The following CLVS1 variants were observed in gnomAD, a reference collection of about 807,000 sequenced individuals.
CLVS1 encodes clavesin 1, also known as clavesin-1.
Under a neutral mutation model 33.1 loss-of-function variants are expected in CLVS1, and 10 were observed. The ratio of observed to expected loss-of-function variants is 0.30; its 90% CI spans 0.19 to 0.51. CLVS1 has a LOEUF of 0.51. Among genes scored for constraint, CLVS1 ranks in the 20% least tolerant of loss-of-function variants. CLVS1 has a pLI of 0.97. For synonymous variants in CLVS1, 163 were observed against 166.1 expected (o/e 0.98, Z 0.14); for missense variants, 343 against 433.4 (o/e 0.79, Z 1.85).
chr8:61,185,660 T>C (rs1401433243), intron 2 of CLVS1, among the ~76,000 whole-genome samples: 1 of 152,146 alleles, frequency 6.6e-6, no homozygotes, highest in Non-Finnish European at 1.5e-5. Context: ...GAACAAAGCA[T>C]ATGTATATAT....
At chr8:61,139,102 G>A (rs981575548) in intron 2 of CLVS1, among the ~76,000 whole-genome samples, 2 of 152,236 alleles carry the variant, frequency 1.3e-5, no homozygotes, top group Non-Finnish European at 2.9e-5. Context: ...TTGCTGCTAC[G>A]CCGCCCTTGA....
At chr8:61,311,253 G>C (rs1241255313) in intron 2 of CLVS1, among the ~76,000 whole-genome samples, 1 of 152,180 alleles carries the variant, frequency 6.6e-6, no homozygotes, top group Non-Finnish European at 1.5e-5. Flanking sequence ...TCGACCCACT[G>C]CATGTGTGTA....
intron 3 of CLVS1, among the ~76,000 whole-genome samples, chr8:61,415,101 A>T (rs1424987763): frequency 8.5e-5 from 13 of 152,212 alleles, no homozygotes; most frequent in Non-Finnish European, 1.6e-4. Flanking sequence ...TGGCTTAATT[A>T]TGCTCGCTGG....
At chr8:61,439,416 T>A (rs2129606006) in intron 3 of CLVS1, among the ~76,000 whole-genome samples, 1 of 152,320 alleles carries the variant, frequency 6.6e-6, no homozygotes, top group South Asian at 2.1e-4. Context: ...GCAAATTAAG[T>A]TTCCATTGTT....
intron 3 of CLVS1, among the ~76,000 whole-genome samples, chr8:61,391,710 G>T (rs1246150743): frequency 2.0e-5 from 3 of 152,148 alleles, no homozygotes; most frequent in African/African-American, 7.2e-5. Context: ...TAAGGATTTG[G>T]AAGAAATTAT....
At chr8:61,162,154 T>C (rs924198302) in intron 2 of CLVS1, among the ~76,000 whole-genome samples, 1 of 152,206 alleles carries the variant, frequency 6.6e-6, no homozygotes, top group African/African-American at 2.4e-5. Context: ...ATTCAATCAC[T>C]CAGAATTGTT....
intron 2 of CLVS1, among the ~76,000 whole-genome samples, chr8:61,201,756 C>T (rs1273906759): frequency 6.6e-6 from 1 of 152,174 alleles, no homozygotes; most frequent in African/African-American, 2.4e-5. Flanking sequence ...ATCCCTCTTC[C>T]TCTAACAAGT....
intron 2 of CLVS1, among the ~76,000 whole-genome samples, chr8:61,156,828 T>A (rs1332214874): frequency 6.6e-6 from 1 of 152,192 alleles, no homozygotes; most frequent in Non-Finnish European, 1.5e-5. Context: ...TCCTTAATTT[T>A]GATTTAGGGC....
chr8:61,342,250 G>A (rs1245762349), intron 2 of CLVS1, among the ~76,000 whole-genome samples: 1 of 152,092 alleles, frequency 6.6e-6, no homozygotes, highest in African/African-American at 2.4e-5. Flanking sequence ...AACCAGAGCC[G>A]GCTTAGGCTC....
intron 2 of CLVS1, among the ~76,000 whole-genome samples, chr8:61,278,444 C>T (rs186643774): frequency 3.9e-5 from 6 of 152,272 alleles, no homozygotes; most frequent in South Asian, 2.1e-4. Context: ...AAAGGATCCT[C>T]GTATAGATGT....
the CLVS1 span, among the ~76,000 whole-genome samples, chr8:61,038,719 G>A: frequency 5.3e-5 from 8 of 152,056 alleles, no homozygotes; most frequent in East Asian, 3.9e-4. Flanking sequence ...CATTGTGAAC[G>A]TGCATGTGTC....
At chr8:61,180,702 C>T (rs146592294) in intron 2 of CLVS1, among the ~76,000 whole-genome samples, 10 of 152,242 alleles carry the variant, frequency 6.6e-5, no homozygotes, top group East Asian at 1.9e-4. Flanking sequence ...AATCAATAAA[C>T]GTAATCCATC....
At chr8:61,483,012 T>A (rs1036412412) in intron 5 of CLVS1, among the ~76,000 whole-genome samples, 1 of 152,130 alleles carries the variant, frequency 6.6e-6, no homozygotes, top group African/African-American at 2.4e-5. Context: ...ATTGACATCC[T>A]AACATCACAA....
chr8:61,425,288 GATT>G (rs1815839650), intron 3 of CLVS1, among the ~76,000 whole-genome samples: 1 of 152,086 alleles, frequency 6.6e-6, no homozygotes, highest in Admixed American at 6.6e-5. Flanking sequence ...TCTATTCTAA[GATT>G]ATTGTTTTCA....
chr8:61,308,963 TA>T lies in CLVS1; in HGVS notation c.455+8683del, dbSNP rs1810735549. ...AAAAGCTGAATCACCGGTATGCTGT[TA>T]AGTGGCAAAGTAGCCCAAGGGTCTA... On this transcript the variant is annotated intron_variant, in intron 2 of 5. Coordinates refer to ENST00000325897, the MANE Select transcript of CLVS1 (RefSeq NM_173519.3). Among the ~76,000 whole-genome samples, 5 of 152,320 alleles carry T rather than the reference TA, an allele frequency of 3.3e-5. No individual in the cohort carries two copies. In the South Asian group the frequency reaches 1.0e-3, roughly 32 times the overall value.
intron 2 of CLVS1, among the ~76,000 whole-genome samples, chr8:61,237,758 A>G (rs1210851725): frequency 3.3e-5 from 5 of 152,174 alleles, no homozygotes; most frequent in African/African-American, 1.2e-4. Context: ...TGTACTACCT[A>G]TGAATCTGCA....
At chr8:61,458,154 G>A (rs1817233520) in intron 4 of CLVS1, among the ~76,000 whole-genome samples, 153 bp from the exon 5 acceptor site, 1 of 152,198 alleles carries the variant, frequency 6.6e-6, no homozygotes, top group South Asian at 2.1e-4. Flanking sequence ...ATTTTATGAA[G>A]ACTAAGCTAC....
intron 3 of CLVS1, among the ~76,000 whole-genome samples, chr8:61,422,168 T>C (rs933132814): frequency 6.6e-6 from 1 of 152,082 alleles, no homozygotes; most frequent in Non-Finnish European, 1.5e-5. Context: ...TACATTCAAC[T>C]TTCTAATTAG....
At chr8:61,219,831 A>C (rs1808171998) in intron 2 of CLVS1, among the ~76,000 whole-genome samples, 1 of 152,118 alleles carries the variant, frequency 6.6e-6, no homozygotes. Flanking sequence ...ACTTTTTAAT[A>C]ATCGTCATTC....
Sources: allele counts gnomAD v4.1 joint callset (sites outside exome capture counted in the v4.1 genomes callset), GRCh38; gene constraint gnomAD v4.1.1; transcripts MANE v1.5; gene names NCBI Gene and HGNC (gene_info 2026-07-23, HGNC 2026-07-21).